The following NRK variants were observed in gnomAD, a reference collection of about 807,000 sequenced individuals.
The protein encoded by NRK is Nik related kinase.
A neutral mutation model predicts 125.2 loss-of-function variants in NRK; 67 were observed. The ratio of observed to expected loss-of-function variants is 0.54; its 90% confidence interval spans 0.44 to 0.66. NRK has a LOEUF of 0.66. Among genes scored for constraint, NRK ranks in the 30% least tolerant of loss-of-function variants. The pLI is 0.00. For missense variants in NRK, 1,224 were observed against 1,192.9 expected, an observed-to-expected ratio of 1.03 and a Z score of -0.38; for synonymous variants, 458 against 429.0, an observed-to-expected ratio of 1.07 and a Z score of -0.84.
At chrX:105,877,468 G>C (rs1178921624) in intron 2 of NRK, among the ~76,000 whole-genome samples, 1 of 111,357 alleles carries the variant, frequency 9.0e-6, no homozygotes, top group Non-Finnish European at 1.9e-5. Flanking sequence ...GGCCATCTAA[G>C]ATGTTAACAT....
At chrX:105,885,346 G>A (rs922163345) in intron 4 of NRK, among the ~76,000 whole-genome samples, 5 of 111,654 alleles carry the variant, frequency 4.5e-5, no homozygotes, top group African/African-American at 1.6e-4. Flanking sequence ...TGTATTCACC[G>A]TTGGTTGTGT....
At chrX:105,844,451 A>G (rs1204771698) in intron 2 of NRK, among the ~76,000 whole-genome samples, 2 of 112,282 alleles carry the variant, frequency 1.8e-5, no homozygotes, top group African/African-American at 6.5e-5. Flanking sequence ...GGAATCTGGA[A>G]CACATAGCCT....
At chrX:105,950,981 C>G (rs181922422) in intron 27 of NRK, among the ~76,000 whole-genome samples, 66 of 108,189 alleles carry the variant, frequency 6.1e-4, no homozygotes, top group African/African-American at 2.2e-3. Context: ...GATGATGGCA[C>G]TTTGCATTGC....
In NRK at chrX:105,921,965, A is replaced by C. The variant is rs1242345082; in HGVS notation, c.2514A>C (p.Glu838Asp). ...TAATGTGTTTTTGGCATTCCATAGA[A>C]TCTTCTTCTGAGGAAGAAAGTCCTG... ...QNRQNWLAAS[E>D]SSSEEESPVT... Residue 838 changes from glutamate to aspartate, a missense_variant and splice_region_variant, in exon 17 of 29, where the codon GAA becomes GAC. Coordinates refer to ENST00000243300, the MANE Select transcript of NRK (RefSeq NM_198465.4). The C allele has an allele frequency of 1.8e-6, 2 of 1,096,979 alleles. No individual in the cohort carries two copies. The highest frequency in any genetic ancestry group is 2.5e-6 in the Non-Finnish European group (2 of 795,398). 90.4% of individuals were successfully genotyped at this position (1,096,979 alleles called of 1,213,427 possible). A position where few individuals can be genotyped will look rare whatever the true frequency, so the allele number is the denominator to read the frequency against.
At chrX:105,927,690 A>G (rs1009687160) in intron 19 of NRK, among the ~76,000 whole-genome samples, 14 of 111,209 alleles carry the variant, frequency 1.3e-4, no homozygotes, top group African/African-American at 4.6e-4. Flanking sequence ...TCACGAGGGA[A>G]TGTAGAATTT....
chrX:105,847,662 G>A (rs957028332), intron 2 of NRK, among the ~76,000 whole-genome samples: 2 of 112,196 alleles, frequency 1.8e-5, no homozygotes, highest in Admixed American at 9.5e-5. Flanking sequence ...CAAGAGCCCT[G>A]ACCAGGAAGG....
At chrX:105,902,152 A>C (rs985930769) in intron 9 of NRK, among the ~76,000 whole-genome samples, 3 of 110,238 alleles carry the variant, frequency 2.7e-5, no homozygotes, top group Non-Finnish European at 5.7e-5. Flanking sequence ...TTACGGGAAA[A>C]AGTATTGCTG....
chrX:105,945,132 G>A (rs999191788), intron 24 of NRK, among the ~76,000 whole-genome samples: 1 of 111,613 alleles, frequency 9.0e-6, no homozygotes, highest in African/African-American at 3.3e-5. Context: ...TGGAACATTT[G>A]GTAAAGGTTT....
chrX:105,850,470 C>T (rs750441967), intron 2 of NRK, among the ~76,000 whole-genome samples: 14 of 112,343 alleles, frequency 1.2e-4, no homozygotes, highest in Non-Finnish European at 2.3e-4. Flanking sequence ...CTGCATCTGG[C>T]TTGAATTTCT....
At chrX:105,941,580 A>AGAGAGAGAGAGAGAGAGC (rs2040742614) in intron 23 of NRK, among the ~76,000 whole-genome samples, 2 of 108,330 alleles carry the variant, frequency 1.8e-5, no homozygotes, top group African/African-American at 6.8e-5. Context: ...AGAGAGAGAG[A>AGAGAGAGAGAGAGAGAGC]GAGAGAGAGA....
chrX:105,955,520 A>C lies in NRK; in HGVS notation c.4669A>C (p.Thr1557Pro). 8.4e-7 allele frequency: 1 copy of C among 1,186,804 alleles called. No individual in the cohort carries two copies. Among genetic ancestry groups the C allele is most frequent in the Non-Finnish European group, 1.1e-6 (1 of 878,272 alleles). ...TRGDKLFFTS[T>P]LRNHHSRVYF... ...CTTTTTCAAGCTGTTCTTTACCTCT[A>C]CCCTGCGCAATCACCACAGCCGGGT... The change falls in exon 29 of 29, where the codon ACC (threonine) becomes CCC (proline). Residue 1557 changes from threonine (T) to proline (P), a missense_variant. Transcript: ENST00000243300.
chrX:105,918,458 T>A (rs1453118381), intron 16 of NRK, among the ~76,000 whole-genome samples: 1 of 111,520 alleles, frequency 9.0e-6, no homozygotes, highest in Admixed American at 9.6e-5. Context: ...TGTACTTCAC[T>A]TTTTGAAAAG....
rs2039037616 is a variant in NRK at position 105,822,742 on chromosome X, CCCT to C, written c.-97_-95del. The C allele has an allele frequency of 2.6e-6, 2 of 773,365 alleles. No individual in the cohort carries two copies. The highest frequency in any genetic ancestry group is 1.9e-6 in the Non-Finnish European group (1 of 512,850). 63.7% of individuals were successfully genotyped at this position (773,365 alleles called of 1,213,427 possible). On this transcript the variant is annotated 5_prime_UTR_variant, in exon 1 of 29. Coordinates refer to ENST00000243300, the MANE Select transcript of NRK (RefSeq NM_198465.4). ...CCGATCCCCAGACTCCTCTCTCCCG[CCCT>C]CCTCCTTCCTCTCTCCTCCCTTCAA...
At chrX:105,876,947 A>C (rs905055406) in intron 2 of NRK, among the ~76,000 whole-genome samples, 2 of 111,785 alleles carry the variant, frequency 1.8e-5, no homozygotes, top group Admixed American at 1.9e-4. Flanking sequence ...TACTTCTTCA[A>C]AACGAACATC....
intron 19 of NRK, among the ~76,000 whole-genome samples, chrX:105,928,376 C>G (rs1390487191): frequency 9.0e-6 from 1 of 110,799 alleles, no homozygotes; most frequent in Non-Finnish European, 1.9e-5. Flanking sequence ...GTCTTTTATA[C>G]TTTCTTGTTA....
At position 105,957,107 on chromosome X, in the gene NRK, C is replaced by T. The variant is rs1338167779; in HGVS notation, c.*1507C>T. The T allele has an allele frequency of 8.9e-6, 1 of 112,187 alleles. No individual in the cohort carries two copies. The highest frequency in any genetic ancestry group is 3.2e-5 in the African/African-American group (1 of 30,811). The allele number at this position is 112,187 out of a possible 1,213,427, so 9.2% of individuals were successfully genotyped here. The stretch of plus-strand genomic sequence containing the variant: ...AGATTTGGATTTTCCTAACAACTTA[C>T]ATCAAGAATGTAGTGTAGCTCATTA... On this transcript the variant is annotated 3_prime_UTR_variant, in exon 29 of 29. Coordinates refer to ENST00000243300, the MANE Select transcript of NRK (RefSeq NM_198465.4).
chrX:105,879,108 G>A (rs599127), intron 2 of NRK, among the ~76,000 whole-genome samples: 36,725 of 109,421 alleles, frequency 0.34, 5,984 homozygotes, highest in African/African-American at 0.64. Flanking sequence ...TTACATGACT[G>A]TCACCCCTTT....
chrX:105,882,258 C>T (rs1387159504), intron 4 of NRK, among the ~76,000 whole-genome samples: 1 of 109,146 alleles, frequency 9.2e-6, no homozygotes, highest in African/African-American at 3.3e-5. Context: ...GCCCACCCCC[C>T]CGCTTTTTGT....
At chrX:105,872,241 A>C (rs747087760) in intron 2 of NRK, among the ~76,000 whole-genome samples, 2 of 111,435 alleles carry the variant, frequency 1.8e-5, no homozygotes, top group African/African-American at 6.5e-5. Flanking sequence ...CCTCAATCTA[A>C]TGTAATGAGT....
Sources: allele counts gnomAD v4.1 joint callset (sites outside exome capture counted in the v4.1 genomes callset), GRCh38; gene constraint gnomAD v4.1.1; transcripts MANE v1.5; gene names NCBI Gene and HGNC (gene_info 2026-07-23, HGNC 2026-07-21).